The following SOX6 variants were observed in gnomAD, a reference collection of about 807,000 sequenced individuals.
The protein encoded by SOX6 is SRY-box transcription factor 6.
SOX6 carries 11 observed loss-of-function variants against 97.8 expected under a neutral mutation model. The observed-to-expected ratio is 0.11, with a 90% confidence interval of 0.07 to 0.19. The LOEUF is 0.19. Among genes scored for constraint, SOX6 ranks in the 10% least tolerant of loss-of-function variants. The pLI is 1.00. For synonymous variants in SOX6, 360 were observed against 371.4 expected (o/e 0.97, Z 0.35); for missense variants, 810 against 1,039.5 (o/e 0.78, Z 3.04).
chr11:16,534,699 A>G (rs549354050), intron 4 of SOX6, among the ~76,000 whole-genome samples: 1 of 152,258 alleles, frequency 6.6e-6, no homozygotes, highest in East Asian at 1.9e-4. Context: ...GGGGACCCCA[A>G]GAACAAACTG....
At chr11:16,070,086 C>A (rs1000587347) in intron 9 of SOX6, among the ~76,000 whole-genome samples, 1 of 152,082 alleles carries the variant, frequency 6.6e-6, no homozygotes, top group East Asian at 1.9e-4. Flanking sequence ...ACCTGGGAGG[C>A]GGAGCTTGCA....
At position 16,403,731 on chromosome 11, in the gene SOX6, A is replaced by T. The variant is rs1408335779; in HGVS notation, c.-4-62479T>A. Among the ~76,000 whole-genome samples, 3 of 151,820 alleles carry T rather than the reference A, an allele frequency of 2.0e-5. No individual in the cohort carries two copies. In the East Asian group the frequency reaches 5.8e-4, roughly 29 times the overall value. On this transcript the variant is annotated intron_variant, in intron 1 of 15. Transcript: ENST00000396356. ...AAGCTCATTAATCACTGAAAGGGAG[A>T]CTTTAAAAAATAATGCTAATTTAAG...
At chr11:16,169,554 T>G (rs1292977880) in intron 6 of SOX6, among the ~76,000 whole-genome samples, 1 of 117,424 alleles carries the variant, frequency 8.5e-6, no homozygotes, top group Non-Finnish European at 1.7e-5. Context: ...TGTAACCTCT[T>G]ACATATACCC....
intron 3 of SOX6, among the ~76,000 whole-genome samples, chr11:16,674,282 G>A (rs1452433239): frequency 1.3e-5 from 2 of 150,624 alleles, no homozygotes; most frequent in African/African-American, 4.9e-5. Context: ...TCAGTCAATA[G>A]AATGAAGGAC....
intron 13 of SOX6, among the ~76,000 whole-genome samples, chr11:15,997,915 A>G (rs1358766730): frequency 6.6e-6 from 1 of 151,956 alleles, no homozygotes; most frequent in Non-Finnish European, 1.5e-5. Context: ...ACCCTGCTCT[A>G]CTAAAAATAC....
At chr11:16,444,011 CAAAA>C (rs11448266) in intron 1 of SOX6, among the ~76,000 whole-genome samples, 6 of 115,468 alleles carry the variant, frequency 5.2e-5, no homozygotes, top group African/African-American at 1.4e-4. Context: ...GACTCTGTCT[CAAAA>C]AAAAAAAAAA....
At position 16,326,039 on chromosome 11, in the gene SOX6, A is replaced by C. The variant is rs769291384; in HGVS notation, c.238-7386T>G. Among the ~76,000 whole-genome samples, 5 of 152,164 alleles carry C rather than the reference A, an allele frequency of 3.3e-5. No homozygotes were observed. In the South Asian group the frequency reaches 6.2e-4, roughly 19 times the overall value. The stretch of plus-strand genomic sequence containing the variant: ...CCCAGCCTCCAGAATTGTGAGAAAT[A>C]AATGTCTGTTGTTTATAAATTACCC... On this transcript the variant is annotated intron_variant, in intron 2 of 15. Transcript: ENST00000683767.
intron 4 of SOX6, among the ~76,000 whole-genome samples, chr11:16,581,774 C>A (rs1848034513): frequency 6.6e-6 from 1 of 151,668 alleles, no homozygotes; most frequent in African/African-American, 2.4e-5. Context: ...CCAACCTGGC[C>A]AAGATGATGA....
At chr11:16,720,105 C>A (rs1359873542) in intron 2 of SOX6, among the ~76,000 whole-genome samples, 1 of 152,060 alleles carries the variant, frequency 6.6e-6, no homozygotes, top group Non-Finnish European at 1.5e-5. Flanking sequence ...ATAAACAGAA[C>A]CAAAGCAACC....
rs1243193408 is a variant in SOX6 at position 16,356,095 on chromosome 11, T to A, written c.-6A>T. ...CTAAAGGAAGCACAAATCACTCACA[T>A]GAAGTGGCTGCTCTTCCACTCTTCA... On this transcript the variant is annotated splice_region_variant and 5_prime_UTR_variant, in exon 1 of 16. Coordinates refer to ENST00000683767, the MANE Select transcript of SOX6 (RefSeq NM_001367873.1). 6.6e-6 allele frequency among the ~76,000 whole-genome samples: 1 copy of A among 151,930 alleles called. No individual in the cohort carries two copies. Among genetic ancestry groups the A allele is most frequent in the South Asian group, 2.1e-4 (1 of 4,824 alleles).
At chr11:16,640,470 G>A (rs1848891000) in intron 3 of SOX6, among the ~76,000 whole-genome samples, 1 of 152,192 alleles carries the variant, frequency 6.6e-6, no homozygotes, top group South Asian at 2.1e-4. Context: ...GATTGGAATA[G>A]TTTCAGAAGG....
chr11:16,417,976 T>C (rs1031434563), intron 1 of SOX6, among the ~76,000 whole-genome samples: 1 of 152,202 alleles, frequency 6.6e-6, no homozygotes, highest in Non-Finnish European at 1.5e-5. Flanking sequence ...ATGCTACAGC[T>C]TTTAAAAAAT....
intron 4 of SOX6, among the ~76,000 whole-genome samples, chr11:16,543,610 G>A (rs562953558): frequency 6.6e-6 from 1 of 151,990 alleles, no homozygotes; most frequent in African/African-American, 2.4e-5. Context: ...GAAAAGACAA[G>A]CCAATTTTTA....
chr11:16,362,308 T>C (rs1857229406), intron 1 of SOX6, among the ~76,000 whole-genome samples: 1 of 152,024 alleles, frequency 6.6e-6, no homozygotes, highest in Non-Finnish European at 1.5e-5. Flanking sequence ...GGAAAATAAA[T>C]AAACTAAGGG....
intron 3 of SOX6, chr11:16,283,729 C>A: frequency 4.0e-6 from 1 of 248,806 alleles, no homozygotes; most frequent in Non-Finnish European, 7.9e-6. Context: ...CACAAACAAA[C>A]CTATAACAAA....
At chr11:16,720,892 A>G (rs1848255920) in intron 2 of SOX6, among the ~76,000 whole-genome samples, 1 of 152,214 alleles carries the variant, frequency 6.6e-6, no homozygotes, top group Non-Finnish European at 1.5e-5. Context: ...TAACTTTTCG[A>G]AGTTGAGAAA....
At chr11:16,283,960 G>T in intron 3 of SOX6, 1 of 389,238 alleles carries the variant, frequency 2.6e-6, no homozygotes, top group Non-Finnish European at 5.0e-6. Context: ...GTATAATTAT[G>T]CACAGTTTCT....
intron 4 of SOX6, among the ~76,000 whole-genome samples, chr11:16,510,904 C>A (rs563695737): frequency 6.6e-6 from 1 of 152,072 alleles, no homozygotes; most frequent in South Asian, 2.1e-4. Context: ...GCAACCAATC[C>A]TTCTTGCAGG....
At chr11:16,531,161 T>A (rs560520372) in intron 4 of SOX6, among the ~76,000 whole-genome samples, 1 of 150,632 alleles carries the variant, frequency 6.6e-6, no homozygotes, top group Non-Finnish European at 1.5e-5. Flanking sequence ...TCCTCATAGA[T>A]ATATATAGAG....
Sources: allele counts gnomAD v4.1 joint callset (sites outside exome capture counted in the v4.1 genomes callset), GRCh38; gene constraint gnomAD v4.1.1; transcripts MANE v1.5; gene names NCBI Gene and HGNC (gene_info 2026-07-23, HGNC 2026-07-21).